The following LNX2 variants were observed in gnomAD, a reference collection of about 807,000 sequenced individuals.
LNX2 encodes the protein ligand of numb-protein X 2.
In LNX2, 35 loss-of-function variants were observed where a neutral mutation model predicts 66.2. The observed-to-expected ratio is 0.53, with a 90% confidence interval of 0.40 to 0.70. The LOEUF (loss-of-function observed/expected upper bound fraction) is 0.70, where lower values mean the gene tolerates loss of function less well. LNX2 is among the 30% of genes least tolerant of loss of function. LNX2 has a pLI of 0.00. For missense variants in LNX2, 791 were observed against 850.8 expected (o/e 0.93, Z 0.87); for synonymous variants, 337 against 315.6 (o/e 1.07, Z -0.72).
At chr13:27,564,367 ATTTT>A (rs61048432) in intron 4 of LNX2, among the ~76,000 whole-genome samples, 1 of 146,844 alleles carries the variant, frequency 6.8e-6, no homozygotes, top group Non-Finnish European at 1.5e-5. Context: ...AGCTAAATGT[ATTTT>A]TTTATCAATC....
intron 1 of LNX2, among the ~76,000 whole-genome samples, chr13:27,612,091 G>A (rs1378225383): frequency 2.0e-5 from 3 of 152,216 alleles, no homozygotes; most frequent in Non-Finnish European, 4.4e-5. Flanking sequence ...AGACAGAAAA[G>A]TCCTAGAGAA....
At chr13:27,559,561 C>T (rs543475360) in intron 6 of LNX2, among the ~76,000 whole-genome samples, 2 of 152,108 alleles carry the variant, frequency 1.3e-5, no homozygotes, top group African/African-American at 2.4e-5. Flanking sequence ...GAAGATTTCA[C>T]GCTTCTTGTT....
chr13:27,577,833 A>G (rs1402253850), intron 2 of LNX2, among the ~76,000 whole-genome samples: 1 of 152,222 alleles, frequency 6.6e-6, no homozygotes, highest in Non-Finnish European at 1.5e-5. Flanking sequence ...TAAATGTTAA[A>G]TCGTTAAGGG....
intron 1 of LNX2, among the ~76,000 whole-genome samples, chr13:27,619,637 G>C (rs971186300): frequency 5.9e-5 from 9 of 152,152 alleles, no homozygotes; most frequent in Non-Finnish European, 2.9e-5. Context: ...GTGTACTTTA[G>C]CTCCTGGTAC....
In LNX2 at chr13:27,547,078, C is replaced by A. The variant is rs1954948257; in HGVS notation, c.*1257G>T. On this transcript the variant is annotated 3_prime_UTR_variant, in exon 10 of 10. Coordinates refer to ENST00000316334, the MANE Select transcript of LNX2 (RefSeq NM_153371.4). ...TTGTTTCTAAAATACACAAGAAATA[C>A]TCCTACCTGAACAAAATAAAAAGGT... The A allele has an allele frequency of 1.3e-5, 2 of 152,104 alleles. No homozygotes were observed. Among genetic ancestry groups the A allele is most frequent in the African/African-American group, 4.8e-5 (2 of 41,418 alleles). 9.4% of individuals were successfully genotyped at this position (152,104 alleles called of 1,614,324 possible).
At position 27,569,288 on chromosome 13, in the gene LNX2, A is replaced by G. The variant is rs373767584; in HGVS notation, c.408-12T>C. 28 of 1,604,328 alleles carry G rather than the reference A, an allele frequency of 1.7e-5. No homozygotes were observed. The highest frequency in any genetic ancestry group is 2.2e-5 in the Non-Finnish European group (26 of 1,177,346). Reference sequence around the variant, plus strand: ...AAGCTCCAGGACATCTAGAAAAAGAATATCAGATGGTTTCCAGATGATTTT... The same window carrying G: ...AAGCTCCAGGACATCTAGAAAAAGAGTATCAGATGGTTTCCAGATGATTTT... On this transcript the variant is annotated splice_polypyrimidine_tract_variant and intron_variant, in intron 2 of 9. Coordinates refer to ENST00000316334, the MANE Select transcript of LNX2 (RefSeq NM_153371.4).
chr13:27,617,813 TG>T (rs1955843552), intron 1 of LNX2, among the ~76,000 whole-genome samples: 1 of 152,250 alleles, frequency 6.6e-6, no homozygotes. Flanking sequence ...AGTCCAAAAC[TG>T]AACTTATCTT....
At chr13:27,568,935 A>G (rs1955240025) in intron 3 of LNX2, 94 bp downstream of exon 3, 50 of 1,328,980 alleles carry the variant, frequency 3.8e-5, no homozygotes, top group Non-Finnish European at 4.6e-5. Flanking sequence ...TATTTTTTAA[A>G]TTTTTCTTTA....
rs1359436793 is a variant in LNX2 at position 27,581,397 on chromosome 13, C to T, written c.307G>A (p.Val103Ile). Reference protein sequence around the residue: ...FKLCKKSSILVHKLLDKLLVL... With the variant: ...FKLCKKSSILIHKLLDKLLVL... ...AATAATTTGTCTAGGAGTTTATGAA[C>T]TAGAATACTAGACTTCTTGCACAAC... Residue 103 changes from valine to isoleucine, a missense_variant, in exon 2 of 10, where the codon GTT (valine) becomes ATT (isoleucine). Physicochemically the swap from Val to Ile is conservative, Grantham distance 29. Transcript: ENST00000316334. 3.7e-6 allele frequency: 6 copies of T among 1,601,714 alleles called. No individual in the cohort carries two copies. The highest frequency in any genetic ancestry group is 5.1e-6 in the Non-Finnish European group (6 of 1,171,270).
At chr13:27,553,105 GCTT>G in intron 8 of LNX2, 100 bp downstream of exon 8, 1 of 950,564 alleles carries the variant, frequency 1.1e-6, no homozygotes, top group Non-Finnish European at 1.6e-6. Context: ...CTGAATTAAA[GCTT>G]TTTTTTTTAT....
intron 1 of LNX2, among the ~76,000 whole-genome samples, chr13:27,614,735 G>A (rs1955808707): frequency 6.6e-6 from 1 of 152,142 alleles, no homozygotes; most frequent in East Asian, 1.9e-4. Context: ...TCCAATTTAT[G>A]GGTTCAGTAA....
At chr13:27,618,798 C>T (rs1310296182) in intron 1 of LNX2, among the ~76,000 whole-genome samples, 1 of 152,188 alleles carries the variant, frequency 6.6e-6, no homozygotes, top group African/African-American at 2.4e-5. Flanking sequence ...TACAACAGCC[C>T]AAAGACACAT....
intron 7 of LNX2, among the ~76,000 whole-genome samples, chr13:27,554,012 G>A (rs983886776): frequency 6.6e-6 from 1 of 152,136 alleles, no homozygotes; most frequent in African/African-American, 2.4e-5. Flanking sequence ...CTGTTGCTCT[G>A]CTAAGTAATA....
chr13:27,588,943 A>G (rs1369380141), intron 1 of LNX2, among the ~76,000 whole-genome samples: 1 of 152,200 alleles, frequency 6.6e-6, no homozygotes, highest in Non-Finnish European at 1.5e-5. Flanking sequence ...ATCTGTCATG[A>G]GCTCACATGT....
In LNX2 at chr13:27,616,923, G is replaced by A. The variant is rs150641073; in HGVS notation, c.-101+3452C>T. ...CTGCCACCACGCCCAGCTAATTTTC[G>A]TATTTTTAGTAGAGACAGGGTTTCA... is the stretch of plus-strand genomic sequence containing the variant. On this transcript the variant is annotated intron_variant, in intron 1 of 9. Transcript: ENST00000316334. Among the ~76,000 whole-genome samples the A allele has an allele frequency of 5.3e-5, 8 of 152,200 alleles. No homozygotes were observed. The South Asian group carries it at 8.3e-4, about 16-fold the overall frequency.
At chr13:27,585,153 C>T (rs1362239364) in intron 1 of LNX2, among the ~76,000 whole-genome samples, 2 of 151,126 alleles carry the variant, frequency 1.3e-5, no homozygotes, top group Non-Finnish European at 1.5e-5. Context: ...GGGCGAGGCA[C>T]GGTGGCTCAC....
rs1394355085 is a variant in LNX2, at chr13:27,548,376, CTT to C, written c.2030_2031del (p.Lys677SerfsTer31). ...GGCCAACAAATAACGGTCAGAGTGA[CTT>C]TGTTCCTCTGCTCCTTCAACATGGG... ...LVPMLKEQRNKVTLTVICWPG... is the reference protein window; with the variant it reads ...LVPMLKEQRNXVTLTVICWPG... On this transcript the variant is annotated frameshift_variant, in exon 10 of 10. Coordinates refer to ENST00000316334, the MANE Select transcript of LNX2 (RefSeq NM_153371.4). LOFTEE classifies it high-confidence loss of function. 1 of 1,614,152 alleles carries C rather than the reference CTT, an allele frequency of 6.2e-7. No individual in the cohort carries two copies. The highest frequency in any genetic ancestry group is 8.5e-7 in the Non-Finnish European group (1 of 1,180,018).
chr13:27,562,512 A>G lies in LNX2; in HGVS notation c.1125T>C (p.Ala375=), dbSNP rs1412170597. Residue 375 remains alanine, a synonymous_variant, in exon 5 of 10, where the codon GCT becomes GCC. Transcript: ENST00000316334. The stretch of plus-strand genomic sequence containing the variant: ...TGCTGCTTAGCCTGCCGTCCTGGGC[A>G]GCCAACCCCCCTTCCAACAGGTCAA... ...FILDLLEGGL[A]AQDGRLSSND... is the part of the protein sequence containing the mutation. 3.1e-6 allele frequency: 5 copies of G among 1,614,030 alleles called. No homozygotes were observed. The African/African-American group carries it at 4.0e-5, about 13-fold the overall frequency.
chr13:27,617,175 A>C (rs572946923), intron 1 of LNX2, among the ~76,000 whole-genome samples: 58 of 152,352 alleles, frequency 3.8e-4, no homozygotes, highest in African/African-American at 1.3e-3. Flanking sequence ...TGAGGAAAAG[A>C]AACAGGTGCC....
Sources: gnomAD v4.1 joint callset for allele counts (sites outside exome capture counted in the v4.1 genomes callset) on GRCh38, gnomAD v4.1.1 for gene constraint, MANE v1.5 for transcripts, NCBI Gene and HGNC (gene_info 2026-07-23, HGNC 2026-07-21) for gene names.